GPC5: variants seen among roughly 807,000 people sequenced by gnomAD.
GPC5 encodes glypican 5, also known as glypican-5.
Under a neutral mutation model 53.9 loss-of-function variants are expected in GPC5, and 47 were observed. The observed-to-expected ratio is 0.87, with a 90% CI of 0.69 to 1.11. The LOEUF is 1.11. Among genes scored for constraint, GPC5 ranks in the 50% most tolerant of loss-of-function variants. GPC5 has a pLI of 0.00. For missense variants in GPC5, 748 were observed against 713.1 expected (o/e 1.05, Z -0.56); for synonymous variants, 286 against 263.3 (o/e 1.09, Z -0.84).
intron 3 of GPC5, among the ~76,000 whole-genome samples, chr13:91,700,360 A>C (rs2035966971): frequency 6.6e-6 from 1 of 152,234 alleles, no homozygotes; most frequent in Non-Finnish European, 1.5e-5. Context: ...TTTCTGTTAA[A>C]TATTGTGGTG....
intron 7 of GPC5, among the ~76,000 whole-genome samples, chr13:92,187,582 G>A (rs183821224): frequency 2.9e-4 from 44 of 152,294 alleles, no homozygotes; most frequent in African/African-American, 1.0e-3. Flanking sequence ...TTACCAGAAG[G>A]TGGCACTGCA....
At chr13:91,578,818 G>A (rs578256220) in intron 2 of GPC5, among the ~76,000 whole-genome samples, 3 of 152,170 alleles carry the variant, frequency 2.0e-5, no homozygotes, top group Middle Eastern at 3.4e-3. Context: ...GGCTGAGGCA[G>A]GTGGATTGCT....
rs532023304 is a variant in GPC5, at chr13:91,972,933, C to T, written c.1401+64876C>T. Among the ~76,000 whole-genome samples, 8 of 152,224 alleles carry T rather than the reference C, an allele frequency of 5.3e-5. No individual in the cohort carries two copies. The South Asian group carries it at 1.7e-3, about 32-fold the overall frequency. ...TTCATTTCAGCTTTGGTGAATCTGACAATTATGTGTTTTGGAGTTGCTCTT... is the reference window on the plus strand; with the variant it reads ...TTCATTTCAGCTTTGGTGAATCTGATAATTATGTGTTTTGGAGTTGCTCTT... On this transcript the variant is annotated intron_variant, in intron 6 of 7. Coordinates refer to ENST00000377067, the MANE Select transcript of GPC5 (RefSeq NM_004466.6).
At chr13:91,566,308 G>C (rs1016303964) in intron 2 of GPC5, among the ~76,000 whole-genome samples, 4 of 152,158 alleles carry the variant, frequency 2.6e-5, no homozygotes, top group Non-Finnish European at 4.4e-5. Flanking sequence ...GCTTATGTCT[G>C]TAATCCCAGC....
intron 7 of GPC5, among the ~76,000 whole-genome samples, chr13:92,298,436 G>A (rs577854749): frequency 3.7e-4 from 56 of 152,236 alleles, no homozygotes; most frequent in African/African-American, 1.3e-3. Flanking sequence ...CTTCTAGAAG[G>A]ACCCCTGTGA....
chr13:92,050,403 G>A (rs1399957117), intron 6 of GPC5, among the ~76,000 whole-genome samples: 9 of 151,994 alleles, frequency 5.9e-5, no homozygotes, highest in Admixed American at 5.2e-4. Flanking sequence ...TTCACTGAGT[G>A]GTTATATGGG....
At chr13:92,677,379 T>C (rs1010791048) in intron 7 of GPC5, among the ~76,000 whole-genome samples, 2 of 152,210 alleles carry the variant, frequency 1.3e-5, no homozygotes, top group African/African-American at 4.8e-5. Flanking sequence ...GGCAGCAGAC[T>C]AGGCATAATA....
chr13:91,764,901 T>A (rs1310306489), intron 5 of GPC5, among the ~76,000 whole-genome samples: 2 of 152,210 alleles, frequency 1.3e-5, no homozygotes. Flanking sequence ...CTGGCAGGTA[T>A]TAACAGCTGA....
At chr13:92,753,859 A>C (rs1273467677) in intron 7 of GPC5, among the ~76,000 whole-genome samples, 1 of 152,168 alleles carries the variant, frequency 6.6e-6, no homozygotes, top group Non-Finnish European at 1.5e-5. Flanking sequence ...TCTGATTGGT[A>C]TACCTGAAAG....
At chr13:91,490,420 T>C (rs1260545516) in intron 2 of GPC5, among the ~76,000 whole-genome samples, 7 of 152,206 alleles carry the variant, frequency 4.6e-5, no homozygotes, top group Non-Finnish European at 1.0e-4. Flanking sequence ...AATAGACAGA[T>C]GGTAGACTAG....
chr13:92,643,276 G>A (rs1221593983), intron 7 of GPC5, among the ~76,000 whole-genome samples: 1 of 152,146 alleles, frequency 6.6e-6, no homozygotes, highest in Non-Finnish European at 1.5e-5. Flanking sequence ...TGCTTTTGGT[G>A]TTTTGGACAT....
At chr13:92,304,616 C>G (rs1216047339) in intron 7 of GPC5, among the ~76,000 whole-genome samples, 1 of 151,820 alleles carries the variant, frequency 6.6e-6, no homozygotes, top group Non-Finnish European at 1.5e-5. Flanking sequence ...GATAATGAGC[C>G]CCTATGAATA....
At chr13:92,496,780 A>G (rs1285871063) in intron 7 of GPC5, among the ~76,000 whole-genome samples, 1 of 152,138 alleles carries the variant, frequency 6.6e-6, no homozygotes, top group East Asian at 1.9e-4. Flanking sequence ...GTTACTCAGG[A>G]CATGCATTCT....
chr13:92,301,965 G>C (rs1476856541), intron 7 of GPC5, among the ~76,000 whole-genome samples: 6 of 151,942 alleles, frequency 3.9e-5, no homozygotes, highest in Admixed American at 3.9e-4. Flanking sequence ...ATAAATTATA[G>C]AATTATATGA....
At chr13:92,548,086 G>A (rs1191382320) in intron 7 of GPC5, among the ~76,000 whole-genome samples, 4 of 149,856 alleles carry the variant, frequency 2.7e-5, no homozygotes, top group East Asian at 2.0e-4. Flanking sequence ...TGATCCGCCC[G>A]CCTCAGCCTC....
chr13:92,054,628 C>G (rs568681552), intron 6 of GPC5, among the ~76,000 whole-genome samples: 10 of 152,282 alleles, frequency 6.6e-5, no homozygotes, highest in African/African-American at 2.4e-4. Flanking sequence ...AGTTACACAA[C>G]AAGACCTGCA....
intron 6 of GPC5, among the ~76,000 whole-genome samples, chr13:92,111,643 A>C (rs374438958): frequency 6.6e-6 from 1 of 152,196 alleles, no homozygotes; most frequent in East Asian, 1.9e-4. Context: ...GGTGCTACAC[A>C]AACTTTGGAA....
intron 7 of GPC5, among the ~76,000 whole-genome samples, chr13:92,596,986 G>A (rs1467702014): frequency 2.0e-5 from 3 of 152,128 alleles, no homozygotes; most frequent in Non-Finnish European, 4.4e-5. Context: ...GATACGGAGA[G>A]ACAAGTTCTT....
chr13:91,857,689 T>C (rs1192692100), intron 5 of GPC5, among the ~76,000 whole-genome samples: 1 of 151,246 alleles, frequency 6.6e-6, no homozygotes, highest in Non-Finnish European at 1.5e-5. Flanking sequence ...CTTGCCTTGT[T>C]CCCAACTATA....
Sources: allele counts gnomAD v4.1 joint callset (sites outside exome capture counted in the v4.1 genomes callset), GRCh38; gene constraint gnomAD v4.1.1; transcripts MANE v1.5; gene names NCBI Gene and HGNC (gene_info 2026-07-23, HGNC 2026-07-21).